Variants in FRMD5 observed in about 807,000 individuals in gnomAD.
FRMD5 encodes the protein FERM domain containing 5.
In FRMD5, 20 loss-of-function variants were observed where a neutral mutation model predicts 69.0. The ratio of observed to expected loss-of-function variants is 0.29; its 90% confidence interval spans 0.20 to 0.42. FRMD5 has a LOEUF of 0.42. Among genes scored for constraint, FRMD5 ranks in the 10% least tolerant of loss-of-function variants. FRMD5 has a pLI of 1.00. For synonymous variants in FRMD5, 271 were observed against 260.1 expected (o/e 1.04, Z -0.40); for missense variants, 595 against 708.6 (o/e 0.84, Z 1.82).
chr15:44,087,804 G>T (rs1894267946), intron 1 of FRMD5, among the ~76,000 whole-genome samples: 1 of 151,740 alleles, frequency 6.6e-6, no homozygotes, highest in African/African-American at 2.4e-5. Flanking sequence ...CATTGAAGAA[G>T]GAGTAAATTG....
At chr15:44,191,679 C>T (rs774214667) in intron 1 of FRMD5, among the ~76,000 whole-genome samples, 10 of 151,356 alleles carry the variant, frequency 6.6e-5, no homozygotes, top group Non-Finnish European at 1.2e-4. Context: ...GAGGCTGAGG[C>T]GAGAGAATCA....
rs181845825 is a variant in FRMD5 at position 44,089,606 on chromosome 15, G to A, written c.102+105347C>T. Among the ~76,000 whole-genome samples, 37 of 152,184 alleles carry A rather than the reference G, an allele frequency of 2.4e-4. No individual in the cohort carries two copies. The East Asian group carries it at 7.1e-3, about 29-fold the overall frequency. On this transcript the variant is annotated intron_variant, in intron 1 of 13. Transcript: ENST00000417257. ...TAGTCCCAGGTATTTGGGAGGCTGAGGTGGGAGGATGACTTGAGCCCAGGA... is the reference window on the plus strand; with the variant it reads ...TAGTCCCAGGTATTTGGGAGGCTGAAGTGGGAGGATGACTTGAGCCCAGGA...
rs542069134 is a variant in FRMD5, at chr15:43,937,673, G to T, written c.103-13364C>A. ...AAAAAAAAAAAAAAAAGTGCTCCTGGGAACAACATCCATGGAAAAGAGGGG... is the reference window on the plus strand; with the variant it reads ...AAAAAAAAAAAAAAAAGTGCTCCTGTGAACAACATCCATGGAAAAGAGGGG... On this transcript the variant is annotated intron_variant, in intron 1 of 13. Coordinates refer to ENST00000417257, the MANE Select transcript of FRMD5 (RefSeq NM_032892.5). 9.0e-4 allele frequency among the ~76,000 whole-genome samples: 136 copies of T among 151,624 alleles called. 2 individuals carry two copies. The highest frequency in any genetic ancestry group is 6.0e-3 in the East Asian group (31 of 5,148).
chr15:43,967,919 C>A (rs1053600099), intron 1 of FRMD5, among the ~76,000 whole-genome samples: 5 of 151,800 alleles, frequency 3.3e-5, no homozygotes, highest in Admixed American at 6.6e-5. Context: ...CCTCCCCTTG[C>A]CCCCAACCCC....
chr15:43,902,122 TG>T, intron 7 of FRMD5, 52 bp downstream of exon 7: 1 of 1,356,470 alleles, frequency 7.4e-7, no homozygotes, highest in Non-Finnish European at 1.1e-6. Flanking sequence ...CTCTTGCTCC[TG>T]ATGCCTTCTA....
chr15:44,080,387 C>T (rs1893949745), intron 1 of FRMD5, among the ~76,000 whole-genome samples: 1 of 152,008 alleles, frequency 6.6e-6, no homozygotes, highest in African/African-American at 2.4e-5. Flanking sequence ...TCTACATTTG[C>T]AACCCAAATA....
intron 1 of FRMD5, among the ~76,000 whole-genome samples, chr15:43,948,030 A>T (rs1016724860): frequency 2.6e-5 from 4 of 152,142 alleles, no homozygotes; most frequent in African/African-American, 4.8e-5. Context: ...TACTGTGTTA[A>T]GCACTGTGCA....
chr15:44,162,956 C>T (rs1056264371), intron 1 of FRMD5, among the ~76,000 whole-genome samples: 1 of 151,252 alleles, frequency 6.6e-6, no homozygotes, highest in East Asian at 2.0e-4. Flanking sequence ...GGTCGGATCA[C>T]GAGATCAGGA....
intron 13 of FRMD5, chr15:43,876,365 C>CCTGTTG (rs2140335737): frequency 1.3e-6 from 1 of 793,470 alleles, no homozygotes; most frequent in African/African-American, 1.7e-5. Context: ...CTCAAGTCTG[C>CCTGTTG]CTGTTGGGTG....
chr15:43,884,322 T>C (rs1462539870), intron 12 of FRMD5, among the ~76,000 whole-genome samples: 1 of 152,098 alleles, frequency 6.6e-6, no homozygotes, highest in Non-Finnish European at 1.5e-5. Flanking sequence ...GAAACACAAT[T>C]TGTGGATCTA....
At chr15:44,172,792 G>C (rs1364914145) in intron 1 of FRMD5, among the ~76,000 whole-genome samples, 1 of 151,922 alleles carries the variant, frequency 6.6e-6, no homozygotes, top group African/African-American at 2.4e-5. Flanking sequence ...AGAAACCACT[G>C]AAAATAAAAA....
intron 1 of FRMD5, among the ~76,000 whole-genome samples, chr15:44,158,372 T>C (rs1459055841): frequency 1.3e-5 from 2 of 152,320 alleles, no homozygotes; most frequent in East Asian, 3.9e-4. Flanking sequence ...CTCATTCCAA[T>C]GTCTTTTCAC....
chr15:43,924,367 T>C, intron 1 of FRMD5, 58 bp from the exon 2 acceptor site: 3 of 1,320,496 alleles, frequency 2.3e-6, no homozygotes, highest in Non-Finnish European at 3.2e-6. Flanking sequence ...GTAACTTTTT[T>C]TTTTTTTATA....
chr15:44,172,622 AAATG>A (rs1380016383), intron 1 of FRMD5, among the ~76,000 whole-genome samples: 1 of 152,206 alleles, frequency 6.6e-6, no homozygotes, highest in African/African-American at 2.4e-5. Flanking sequence ...ATATTACTCC[AAATG>A]ATGAAAGTAG....
intron 2 of FRMD5, among the ~76,000 whole-genome samples, chr15:43,923,787 G>T (rs1335166569): frequency 6.6e-6 from 1 of 152,216 alleles, no homozygotes; most frequent in Non-Finnish European, 1.5e-5. Context: ...GCCCGCGCTG[G>T]TTTGGCTCTG....
At chr15:43,955,005 C>T (rs1404790466) in intron 1 of FRMD5, among the ~76,000 whole-genome samples, 1 of 152,132 alleles carries the variant, frequency 6.6e-6, no homozygotes, top group East Asian at 1.9e-4. Context: ...AATCAAGCTC[C>T]TTTTGATTGT....
chr15:44,002,809 ACTT>A (rs1191621369), intron 1 of FRMD5, among the ~76,000 whole-genome samples: 2 of 151,944 alleles, frequency 1.3e-5, no homozygotes, highest in Non-Finnish European at 2.9e-5. Flanking sequence ...TTTAGTTTTT[ACTT>A]CTTCTTTCTC....
At chr15:44,035,149 T>C (rs1005482998) in intron 1 of FRMD5, among the ~76,000 whole-genome samples, 1 of 152,196 alleles carries the variant, frequency 6.6e-6, no homozygotes, top group African/African-American at 2.4e-5. Context: ...CCTGCAATCA[T>C]GGTGTCACAG....
chr15:43,888,925 G>C (rs891218657), intron 8 of FRMD5, 53 bp from the exon 9 acceptor site: 32 of 1,507,762 alleles, frequency 2.1e-5, no homozygotes, highest in Non-Finnish European at 2.3e-5. Context: ...CTTGTTCACA[G>C]CTAAATCTTG....
Sources: gnomAD v4.1 joint callset for allele counts (sites outside exome capture counted in the v4.1 genomes callset) on GRCh38, gnomAD v4.1.1 for gene constraint, MANE v1.5 for transcripts, NCBI Gene and HGNC (gene_info 2026-07-23, HGNC 2026-07-21) for gene names.